NRG1: variants seen among roughly 807,000 people sequenced by gnomAD.
NRG1 encodes the protein neuregulin 1, also known as pro-neuregulin-1, membrane-bound isoform.
Under a neutral mutation model 63.8 loss-of-function variants are expected in NRG1, and 18 were observed. That is an observed-to-expected ratio of 0.28 (90% CI 0.19 to 0.42). NRG1 has a LOEUF of 0.42. NRG1 is among the 10% of genes least tolerant of loss of function. The pLI is 1.00. For synonymous variants in NRG1, 302 were observed against 301.3 expected, an observed-to-expected ratio of 1.00 and a Z score of -0.02; for missense variants, 762 against 814.7, an observed-to-expected ratio of 0.94 and a Z score of 0.79.
intron 1 of NRG1, among the ~76,000 whole-genome samples, chr8:31,908,774 T>C (rs1337080095): frequency 6.6e-6 from 1 of 152,158 alleles, no homozygotes; most frequent in Non-Finnish European, 1.5e-5. Flanking sequence ...AATTTGTGTA[T>C]TTATTTGCTG....
intron 5 of NRG1, among the ~76,000 whole-genome samples, chr8:32,665,213 A>G (rs1803833392): frequency 1.3e-5 from 2 of 152,166 alleles, no homozygotes; most frequent in African/African-American, 4.8e-5. Context: ...TTGAATTTAT[A>G]TTTAGCCTGT....
intron 1 of NRG1, among the ~76,000 whole-genome samples, chr8:31,739,608 A>G (rs1815060482): frequency 6.6e-6 from 1 of 152,046 alleles, no homozygotes; most frequent in African/African-American, 2.4e-5. Context: ...TTGTACAAGG[A>G]AGGCATTTTA....
intron 1 of NRG1, among the ~76,000 whole-genome samples, chr8:32,336,269 G>C (rs1046950080): frequency 1.3e-5 from 2 of 152,202 alleles, no homozygotes; most frequent in African/African-American, 4.8e-5. Context: ...GTGAGGGGGA[G>C]GTCAGATGAT....
intron 1 of NRG1, among the ~76,000 whole-genome samples, chr8:32,589,421 C>T (rs1018241145): frequency 5.3e-5 from 8 of 152,284 alleles, no homozygotes; most frequent in South Asian, 2.1e-4. Context: ...TGTCAGTCAC[C>T]GGTTGTCACT....
At chr8:32,194,777 G>T (rs1842812365) in intron 1 of NRG1, among the ~76,000 whole-genome samples, 1 of 152,036 alleles carries the variant, frequency 6.6e-6, no homozygotes, top group African/African-American at 2.4e-5. Context: ...TTAAAAAGAA[G>T]TCTTTCCCTT....
chr8:32,763,844 C>T lies in NRG1; in HGVS notation c.1356C>T (p.Pro452=), dbSNP rs115066329. Residue 452 remains proline, a synonymous_variant, in exon 12 of 12, where the codon CCC becomes CCT. Coordinates refer to ENST00000356819, the Ensembl canonical transcript of NRG1. ...CGCCCCCTTCGGAAATGTCTCCACC[C>T]GTGTCCAGCATGACGGTGTCCATGC... The T allele has an allele frequency of 9.1e-4, 1,464 of 1,613,998 alleles. 14 individuals carry two copies. The African/African-American group carries it at 0.016, about 18-fold the overall frequency.
chr8:32,292,665 G>A (rs1223341817), intron 1 of NRG1, among the ~76,000 whole-genome samples: 1 of 152,134 alleles, frequency 6.6e-6, no homozygotes, highest in African/African-American at 2.4e-5. Context: ...AAACTAAATG[G>A]TTAACTAATA....
chr8:32,648,577 A>G (rs561855861), intron 5 of NRG1, among the ~76,000 whole-genome samples: 1 of 152,272 alleles, frequency 6.6e-6, no homozygotes, highest in African/African-American at 2.4e-5. Context: ...GATCTGAACC[A>G]GTGTTGTAAC....
intron 1 of NRG1, among the ~76,000 whole-genome samples, chr8:32,122,359 C>T (rs1585447572): frequency 1.3e-5 from 2 of 151,902 alleles, no homozygotes; most frequent in Non-Finnish European, 2.9e-5. Flanking sequence ...TTAAGAGGTA[C>T]TATAATAGCT....
intron 1 of NRG1, among the ~76,000 whole-genome samples, chr8:32,165,227 C>A (rs1207674497): frequency 8.6e-5 from 13 of 151,758 alleles, no homozygotes; most frequent in Non-Finnish European, 1.6e-4. Context: ...CAGCCTTGAA[C>A]TCCTGGGCTC....
intron 1 of NRG1, among the ~76,000 whole-genome samples, chr8:32,512,401 T>C (rs974330418): frequency 2.0e-5 from 3 of 152,200 alleles, no homozygotes; most frequent in African/African-American, 7.2e-5. Flanking sequence ...ACTGAAATCA[T>C]AGCTTTATGA....
intron 1 of NRG1, among the ~76,000 whole-genome samples, chr8:31,888,695 T>A (rs1033056965): frequency 2.6e-5 from 4 of 151,846 alleles, no homozygotes; most frequent in Non-Finnish European, 4.4e-5. Context: ...AGGAAAACGA[T>A]CAGCCACAAT....
At chr8:32,704,015 T>C (rs1407368752) in intron 5 of NRG1, among the ~76,000 whole-genome samples, 1 of 152,222 alleles carries the variant, frequency 6.6e-6, no homozygotes, top group African/African-American at 2.4e-5. Flanking sequence ...TACAAAGTAG[T>C]GGTTCTTCAT....
chr8:31,960,787 G>C (rs16878571), intron 1 of NRG1, among the ~76,000 whole-genome samples: 14,615 of 152,210 alleles, frequency 0.096, 1,984 homozygotes, highest in African/African-American at 0.3. Flanking sequence ...CTCAGGTACA[G>C]GAGTGTTACA....
intron 7 of NRG1, chr8:32,749,502 C>T (rs1828251590): frequency 6.4e-7 from 1 of 1,571,056 alleles, no homozygotes; most frequent in Non-Finnish European, 8.7e-7. Context: ...CAGTGTATTG[C>T]TCTTTTCTGA....
Position 32,080,214 on chromosome 8 carries a change from A to T in NRG1, c.37+440783A>T, listed in dbSNP as rs145862316. Among the ~76,000 whole-genome samples, 415 of 152,236 alleles carry T rather than the reference A, an allele frequency of 2.7e-3. 4 individuals carry two copies. Among genetic ancestry groups the T allele is most frequent in the African/African-American group, 9.5e-3 (395 of 41,538 alleles). On this transcript the variant is annotated intron_variant, in intron 1 of 10. Coordinates refer to the NRG1 transcript ENST00000519301. ...GTGGGAGAAAAGAATTCTTAACGTGATTATTTGTCTCATATTTTATTTTAG... is the reference window on the plus strand; with the variant it reads ...GTGGGAGAAAAGAATTCTTAACGTGTTTATTTGTCTCATATTTTATTTTAG...
Position 32,742,143 on chromosome 8 carries a change from T to G in NRG1, c.633-532T>G. 1 of 1,263,012 alleles carries G rather than the reference T, an allele frequency of 7.9e-7. No homozygotes were observed. The highest frequency in any genetic ancestry group is 1.2e-5 in the South Asian group (1 of 83,400). The allele number at this position is 1,263,012 out of a possible 1,614,324, so 78.2% of individuals were successfully genotyped here. On this transcript the variant is annotated intron_variant, in intron 6 of 11. Transcript: ENST00000356819. This position sits in a 1 kb window ranked among gnomAD's most constrained non-coding sequence, Gnocchi z 4.2. ...AGCAACAATCACTACCACTTGGTGC[T>G]TTTACAGCTCAGTCGTAACTGATTC...
intron 1 of NRG1, among the ~76,000 whole-genome samples, chr8:31,864,738 C>G (rs1563500759): frequency 6.6e-6 from 1 of 152,214 alleles, no homozygotes; most frequent in East Asian, 1.9e-4. Flanking sequence ...GTGTGAGGGT[C>G]AGAAGAACTG....
chr8:32,376,309 C>T (rs935080119), intron 1 of NRG1, among the ~76,000 whole-genome samples: 4 of 152,090 alleles, frequency 2.6e-5, no homozygotes, highest in Non-Finnish European at 5.9e-5. Flanking sequence ...TTTTATCTGC[C>T]CTGTGTGCTT....
Sources: gnomAD v4.1 joint callset for allele counts (sites outside exome capture counted in the v4.1 genomes callset) on GRCh38, gnomAD v4.1.1 for gene constraint, Gnocchi (gnomAD v3.1) non-coding constraint, MANE v1.5 for transcripts, NCBI Gene and HGNC (gene_info 2026-07-23, HGNC 2026-07-21) for gene names.